The following CACNA2D2 variants were observed in gnomAD, a reference collection of about 807,000 sequenced individuals.
CACNA2D2 encodes voltage-dependent calcium channel subunit alpha-2/delta-2.
In CACNA2D2, 48 loss-of-function variants were observed where a neutral mutation model predicts 166.4. That is an observed-to-expected ratio of 0.29 (90% confidence interval 0.23 to 0.37). CACNA2D2 has a LOEUF of 0.37. Among genes scored for constraint, CACNA2D2 ranks in the 10% least tolerant of loss-of-function variants. CACNA2D2 has a pLI of 1.00. For missense variants in CACNA2D2, 1,122 were observed against 1,433.0 expected, an observed-to-expected ratio of 0.78 and a Z score of 3.50; for synonymous variants, 561 against 573.7, an observed-to-expected ratio of 0.98 and a Z score of 0.32.
intron 1 of CACNA2D2, among the ~76,000 whole-genome samples, chr3:50,482,439 C>G (rs931355753): frequency 6.6e-6 from 1 of 152,214 alleles, no homozygotes; most frequent in Non-Finnish European, 1.5e-5. Flanking sequence ...TTGAACTAGA[C>G]CTTTCCTGTT....
chr3:50,375,627 G>A lies in CACNA2D2; in HGVS notation c.1907+17C>T. ...CCACCCCACCCTCTCTGCCCGCCCAGCCCTGGCCTCACTTACCTGTAGTTA... is the reference window on the plus strand; with the variant it reads ...CCACCCCACCCTCTCTGCCCGCCCAACCCTGGCCTCACTTACCTGTAGTTA... On this transcript the variant is annotated intron_variant, in intron 21 of 37. Coordinates refer to ENST00000424201, the MANE Select transcript of CACNA2D2 (RefSeq NM_006030.4). The surrounding 1 kb of genome is among the most constrained non-coding windows in gnomAD (Gnocchi z 4.0). The A allele has an allele frequency of 6.2e-7, 1 of 1,604,886 alleles. No homozygotes were observed. Among genetic ancestry groups the A allele is most frequent in the African/African-American group, 1.3e-5 (1 of 74,870 alleles).
intron 23 of CACNA2D2, among the ~76,000 whole-genome samples, chr3:50,370,090 C>G (rs769167383): frequency 1.3e-5 from 2 of 152,214 alleles, no homozygotes; most frequent in East Asian, 3.9e-4. Context: ...CTGGAGCCCT[C>G]CTGCCCCGGC....
intron 1 of CACNA2D2, among the ~76,000 whole-genome samples, chr3:50,484,938 T>C (rs976663311): frequency 1.8e-4 from 28 of 152,102 alleles, no homozygotes; most frequent in Non-Finnish European, 2.8e-4. Context: ...TGCGGAGAGG[T>C]TGGCAGCATG....
At chr3:50,381,442 C>G (rs7614770) in intron 6 of CACNA2D2, among the ~76,000 whole-genome samples, 29,582 of 151,872 alleles carry the variant, frequency 0.19, 5,803 homozygotes, top group East Asian at 0.61. Context: ...GCTGGGAACT[C>G]GGAGCCCTCA....
rs188604790 is a variant in CACNA2D2 at position 50,501,909 on chromosome 3, C to T, written c.206+1309G>A. Reference sequence around the variant, plus strand: ...CAAACACACATGTGAAAAATCCAGACGGTTGACAGAGGACACGTCCGTGCG... The same window carrying T: ...CAAACACACATGTGAAAAATCCAGATGGTTGACAGAGGACACGTCCGTGCG... On this transcript the variant is annotated intron_variant, in intron 1 of 37. Transcript: ENST00000424201. Among the ~76,000 whole-genome samples the T allele has an allele frequency of 2.0e-5, 3 of 152,284 alleles. No homozygotes were observed. The East Asian group carries it at 5.8e-4, about 29-fold the overall frequency.
intron 3 of CACNA2D2, among the ~76,000 whole-genome samples, chr3:50,415,201 C>T (rs1193870665): frequency 2.6e-5 from 4 of 152,194 alleles, no homozygotes; most frequent in African/African-American, 4.8e-5. Flanking sequence ...GCACAGGCTC[C>T]GATGTGAGGG....
chr3:50,382,967 C>T lies in CACNA2D2; in HGVS notation c.652+1229G>A, dbSNP rs587684564. Among the ~76,000 whole-genome samples the T allele has an allele frequency of 3.5e-4, 54 of 152,332 alleles. 1 individual carries two copies. Among genetic ancestry groups the T allele is most frequent in the African/African-American group, 9.6e-4 (40 of 41,572 alleles). ...AAAGGGCCTGCTACTCAGCCCCATG[C>T]GCACAGACCCGTACCCACCTGCACA... is the stretch of plus-strand genomic sequence containing the variant. On this transcript the variant is annotated intron_variant, in intron 6 of 37. Transcript: ENST00000424201.
At chr3:50,371,676 G>C (rs1319462877) in intron 22 of CACNA2D2, among the ~76,000 whole-genome samples, 1 of 152,188 alleles carries the variant, frequency 6.6e-6, no homozygotes, top group African/African-American at 2.4e-5. Context: ...GCTTGGAGGG[G>C]CTGGGCAGTC....
At chr3:50,436,285 G>A (rs1044649945) in intron 2 of CACNA2D2, among the ~76,000 whole-genome samples, 1 of 152,208 alleles carries the variant, frequency 6.6e-6, no homozygotes, top group Admixed American at 6.5e-5. Context: ...CCTGGCCTGG[G>A]ATGAAGTTCA....
intron 4 of CACNA2D2, among the ~76,000 whole-genome samples, chr3:50,392,963 C>T (rs1230325322): frequency 1.3e-5 from 2 of 152,162 alleles, no homozygotes; most frequent in South Asian, 2.1e-4. Context: ...CAGCACCCAG[C>T]ACCTGCCAGG....
intron 3 of CACNA2D2, among the ~76,000 whole-genome samples, chr3:50,402,029 C>T (rs1706474613): frequency 6.6e-6 from 1 of 152,176 alleles, no homozygotes; most frequent in African/African-American, 2.4e-5. Context: ...GACGTTTTAA[C>T]ATCAAGAGGA....
intron 1 of CACNA2D2, among the ~76,000 whole-genome samples, chr3:50,488,003 G>A (rs1227344196): frequency 6.6e-6 from 1 of 152,168 alleles, no homozygotes; most frequent in Non-Finnish European, 1.5e-5. Flanking sequence ...GGGGCCTGAT[G>A]AGAAGAAGAG....
chr3:50,375,254 G>A lies in CACNA2D2; in HGVS notation c.1907+390C>T, dbSNP rs1704910067. On this transcript the variant is annotated intron_variant, in intron 21 of 37. Coordinates refer to ENST00000424201, the MANE Select transcript of CACNA2D2 (RefSeq NM_006030.4). This position sits in a 1 kb window ranked among gnomAD's most constrained non-coding sequence, Gnocchi z 4.0. Reference sequence around the variant, plus strand: ...ATGGTGGGGGCAGGGGGTGGCAGTTGTGGGCTGGCATGGGCTGTGAGGATG... The same window carrying A: ...ATGGTGGGGGCAGGGGGTGGCAGTTATGGGCTGGCATGGGCTGTGAGGATG... 6.6e-6 allele frequency among the ~76,000 whole-genome samples: 1 copy of A among 152,174 alleles called. No individual in the cohort carries two copies. The highest frequency in any genetic ancestry group is 6.5e-5 in the Admixed American group (1 of 15,282).
At chr3:50,453,761 A>G (rs1373139693) in intron 2 of CACNA2D2, among the ~76,000 whole-genome samples, 1 of 152,200 alleles carries the variant, frequency 6.6e-6, no homozygotes, top group Admixed American at 6.5e-5. Flanking sequence ...AATGGACTCC[A>G]TGGAGGATGT....
At position 50,365,618 on chromosome 3, in the gene CACNA2D2, C is replaced by T. The variant is rs1250960931; in HGVS notation, c.2971+15G>A. 1 of 1,573,438 alleles carries T rather than the reference C, an allele frequency of 6.4e-7. No homozygotes were observed. The highest frequency in any genetic ancestry group is 1.3e-5 in the African/African-American group (1 of 74,556). On this transcript the variant is annotated intron_variant, in intron 34 of 37. Coordinates refer to ENST00000424201, the MANE Select transcript of CACNA2D2 (RefSeq NM_006030.4). The surrounding 1 kb of genome is among the most constrained non-coding windows in gnomAD (Gnocchi z 4.5). ...GGACCCGGACTTGAGGAGGCGCCTCCAAAGCCCTACCTACCTGCTTGGAAC... is the reference window on the plus strand; with the variant it reads ...GGACCCGGACTTGAGGAGGCGCCTCTAAAGCCCTACCTACCTGCTTGGAAC...
chr3:50,462,387 A>AAATAAT (rs55797246), intron 2 of CACNA2D2, among the ~76,000 whole-genome samples: 5,970 of 137,532 alleles, frequency 0.043, 142 homozygotes, highest in Middle Eastern at 0.067. Context: ...GACTGTCTCA[A>AAATAAT]AATAATAATA....
chr3:50,388,204 G>A (rs911971635), intron 4 of CACNA2D2, among the ~76,000 whole-genome samples: 1 of 152,190 alleles, frequency 6.6e-6, no homozygotes, highest in Non-Finnish European at 1.5e-5. Context: ...CTTGCCAGTC[G>A]CCTGGGTTCT....
rs1404688618 is a variant in CACNA2D2, at chr3:50,366,002, G to A, written c.2862+9C>T. ...CCCATCTCCAGTCCAGGCATCTCTG[G>A]GGACTCACCACAAAGACACCCCGGG... On this transcript the variant is annotated intron_variant, in intron 32 of 37. Coordinates refer to ENST00000424201, the MANE Select transcript of CACNA2D2 (RefSeq NM_006030.4). The surrounding 1 kb of genome is among the most constrained non-coding windows in gnomAD (Gnocchi z 5.9). 1 of 1,611,686 alleles carries A rather than the reference G, an allele frequency of 6.2e-7. No homozygotes were observed. Among genetic ancestry groups the A allele is most frequent in the Non-Finnish European group, 8.5e-7 (1 of 1,179,236 alleles).
intron 2 of CACNA2D2, among the ~76,000 whole-genome samples, chr3:50,451,387 A>G (rs555714598): frequency 6.6e-6 from 1 of 151,474 alleles, no homozygotes; most frequent in Admixed American, 6.6e-5. Context: ...CGGCCTCCCA[A>G]AGTGCTGGGA....
Sources: gnomAD v4.1 joint callset for allele counts (sites outside exome capture counted in the v4.1 genomes callset) on GRCh38, gnomAD v4.1.1 for gene constraint, Gnocchi (gnomAD v3.1) non-coding constraint, MANE v1.5 for transcripts, NCBI Gene and HGNC (gene_info 2026-07-23, HGNC 2026-07-21) for gene names.